The following MRRF variants were observed in gnomAD, a reference collection of about 807,000 sequenced individuals.
The protein encoded by MRRF is ribosome-recycling factor, mitochondrial.
MRRF carries 18 observed loss-of-function variants against 25.1 expected under a neutral mutation model. That is an observed-to-expected ratio of 0.72 (90% confidence interval 0.50 to 1.06). MRRF has a LOEUF of 1.06. Among genes scored for constraint, MRRF ranks in the 50% least tolerant of loss-of-function variants. The pLI is 0.00. For synonymous variants in MRRF, 113 were observed against 112.1 expected, an observed-to-expected ratio of 1.01 and a Z score of -0.05; for missense variants, 323 against 319.3, an observed-to-expected ratio of 1.01 and a Z score of -0.09.
At chr9:122,280,298 G>A in intron 2 of MRRF, 145 bp from the exon 3 acceptor site, 1 of 851,804 alleles carries the variant, frequency 1.2e-6, no homozygotes. Flanking sequence ...AGTTAATATA[G>A]GCTCTTTTTT....
At chr9:122,318,869 G>C (rs1238591878) in intron 6 of MRRF, among the ~76,000 whole-genome samples, 2 of 152,172 alleles carry the variant, frequency 1.3e-5, no homozygotes, top group African/African-American at 4.8e-5. Context: ...GGATTGATAT[G>C]AGGACCAAAT....
chr9:122,270,822 A>G (rs1306540910), intron 1 of MRRF, 42 bp from the exon 2 acceptor site: 4 of 1,509,110 alleles, frequency 2.7e-6, no homozygotes, highest in Non-Finnish European at 3.7e-6. Context: ...CTTTGTACTT[A>G]GATCTTTTAC....
chr9:122,303,100 T>C (rs1465817880), intron 5 of MRRF, among the ~76,000 whole-genome samples: 4 of 152,278 alleles, frequency 2.6e-5, no homozygotes, highest in East Asian at 1.9e-4. Flanking sequence ...TAGACTCTTA[T>C]CAGATACATG....
At chr9:122,308,699 CA>C (rs776774424) in intron 5 of MRRF, among the ~76,000 whole-genome samples, 3,196 of 60,130 alleles carry the variant, frequency 0.053, 52 homozygotes, top group South Asian at 0.17. Context: ...ACTCCATCTC[CA>C]AAAAAAAAAA....
At chr9:122,294,854 C>T (rs978752218) in intron 5 of MRRF, among the ~76,000 whole-genome samples, 1 of 152,068 alleles carries the variant, frequency 6.6e-6, no homozygotes, top group Non-Finnish European at 1.5e-5. Flanking sequence ...ACTATATAAA[C>T]ATAAGATATT....
intron 3 of MRRF, among the ~76,000 whole-genome samples, chr9:122,281,756 G>A (rs1034391809): frequency 1.3e-5 from 2 of 152,198 alleles, no homozygotes; most frequent in African/African-American, 2.4e-5. Context: ...TAGCCAGCAA[G>A]CTCCACTCTT....
intron 1 of MRRF, among the ~76,000 whole-genome samples, chr9:122,267,096 C>G (rs537217029): frequency 1.3e-4 from 18 of 140,562 alleles, no homozygotes; most frequent in Admixed American, 3.6e-4. Flanking sequence ...AAAAAAAATT[C>G]AGGCCGGCGC....
In MRRF at chr9:122,281,851, G is replaced by T. The variant is rs552038330; in HGVS notation, c.340+1253G>T. ...TAACCTCTGAGAAAATGAGGGGCAG[G>T]AATGAGGCTGAGGGAGATTCTCGCT... On this transcript the variant is annotated intron_variant, in intron 3 of 6. Transcript: ENST00000344641. 6.6e-5 allele frequency among the ~76,000 whole-genome samples: 10 copies of T among 152,286 alleles called. No homozygotes were observed. The South Asian group carries it at 2.1e-3, about 32-fold the overall frequency.
chr9:122,267,071 A>T (rs75758228), intron 1 of MRRF, among the ~76,000 whole-genome samples: 1 of 147,070 alleles, frequency 6.8e-6, no homozygotes, highest in African/African-American at 2.5e-5. Flanking sequence ...CTCCGTCTCA[A>T]AAAAAAAAAA....
At chr9:122,292,966 C>T (rs1485952564) in intron 5 of MRRF, among the ~76,000 whole-genome samples, 2 of 152,184 alleles carry the variant, frequency 1.3e-5, no homozygotes, top group Non-Finnish European at 1.5e-5. Context: ...ATGCCAGATA[C>T]TTTCTTAGTT....
At chr9:122,310,271 G>A (rs369907146) in intron 5 of MRRF, among the ~76,000 whole-genome samples, 5 of 152,308 alleles carry the variant, frequency 3.3e-5, no homozygotes, top group African/African-American at 9.6e-5. Flanking sequence ...AGAGCCCACC[G>A]CTCCTCCTCA....
rs1833325439 is a variant in MRRF, at chr9:122,285,296, G to A, written c.459+9G>A. 2 of 1,538,776 alleles carry A rather than the reference G, an allele frequency of 1.3e-6. No homozygotes were observed. The highest frequency in any genetic ancestry group is 1.8e-6 in the Non-Finnish European group (2 of 1,111,450). On this transcript the variant is annotated intron_variant, in intron 4 of 6. Transcript: ENST00000344641. ...TGGCCAGCTTCCCAGAGGTAAGATG[G>A]CCTTGCTAAAATCTCTCTCCGTGGT... is the stretch of plus-strand genomic sequence containing the variant.
At chr9:122,297,674 A>T (rs1460756023) in intron 5 of MRRF, among the ~76,000 whole-genome samples, 1 of 152,140 alleles carries the variant, frequency 6.6e-6, no homozygotes, top group Non-Finnish European at 1.5e-5. Context: ...TGGGAGTGGG[A>T]AGTGGTGGCA....
chr9:122,330,320 C>T lies in MRRF; in HGVS notation c.*7703C>T, dbSNP rs1836250838. 6.6e-6 allele frequency: 1 copy of T among 152,300 alleles called. No homozygotes were observed. Among genetic ancestry groups the T allele is most frequent in the Non-Finnish European group, 1.5e-5 (1 of 68,116 alleles). 9.4% of individuals were successfully genotyped at this position (152,300 alleles called of 1,614,324 possible). A position where few individuals can be genotyped will look rare whatever the true frequency, so the allele number is the denominator to read the frequency against. On this transcript the variant is annotated 3_prime_UTR_variant, in exon 7 of 7. Transcript: ENST00000344641. This position sits in a 1 kb window ranked among gnomAD's most constrained non-coding sequence, Gnocchi z 4.2. ...GTGCATCCCTGAGTTCCAAAGCAGCCTCGCTAGGCTCTAGAGCCCCTAAAT... is the reference window on the plus strand; with the variant it reads ...GTGCATCCCTGAGTTCCAAAGCAGCTTCGCTAGGCTCTAGAGCCCCTAAAT...
intron 1 of MRRF, among the ~76,000 whole-genome samples, chr9:122,268,755 CA>C (rs777190264): frequency 6.6e-6 from 1 of 152,038 alleles, no homozygotes; most frequent in Non-Finnish European, 1.5e-5. Context: ...CTTTTTTCAT[CA>C]AATCTGGTTT....
intron 5 of MRRF, among the ~76,000 whole-genome samples, chr9:122,293,048 A>G (rs1176288085): frequency 1.3e-5 from 2 of 152,210 alleles, no homozygotes; most frequent in Non-Finnish European, 2.9e-5. Flanking sequence ...TGATAGTTGC[A>G]TAGGCACAGT....
Position 122,327,295 on chromosome 9 carries a change from A to G in MRRF, c.*4678A>G, listed in dbSNP as rs1836170431. On this transcript the variant is annotated 3_prime_UTR_variant, in exon 7 of 7. Coordinates refer to ENST00000344641, the MANE Select transcript of MRRF (RefSeq NM_138777.5). ...CAATAACAGTATTGACAGATCAGTA[A>G]CTAATATTTGCTTGGTGCTTTTTAG... The G allele has an allele frequency of 6.6e-6, 1 of 152,242 alleles. No individual in the cohort carries two copies. The allele number at this position is 152,242 out of a possible 1,614,324, so 9.4% of individuals were successfully genotyped here.
chr9:122,317,088 A>ATATATATATAT (rs1588087015), intron 6 of MRRF, among the ~76,000 whole-genome samples: 2 of 150,602 alleles, frequency 1.3e-5, no homozygotes, highest in Non-Finnish European at 3.0e-5. Context: ...ATATATATAT[A>ATATATATATAT]AATCTTTGTT....
chr9:122,301,557 A>T (rs1834460909), intron 5 of MRRF, among the ~76,000 whole-genome samples: 1 of 152,184 alleles, frequency 6.6e-6, no homozygotes, highest in East Asian at 1.9e-4. Flanking sequence ...CCTGTGAAGG[A>T]TAGAGGGGAG....
Sources: allele counts gnomAD v4.1 joint callset (sites outside exome capture counted in the v4.1 genomes callset), GRCh38; gene constraint gnomAD v4.1.1; non-coding constraint Gnocchi (gnomAD v3.1); transcripts MANE v1.5; gene names NCBI Gene and HGNC (gene_info 2026-07-23, HGNC 2026-07-21).